Variants in P2RY12 observed in about 807,000 individuals in gnomAD.
P2RY12 encodes the protein purinergic receptor P2Y12, also known as P2Y purinoceptor 12.
Under a neutral mutation model 4.5 loss-of-function variants are expected in P2RY12, and 3 were observed. The ratio of observed to expected loss-of-function variants is 0.67; its 90% CI spans 0.31 to 1.74. The LOEUF (loss-of-function observed/expected upper bound fraction) is 1.74. Among genes scored for constraint, P2RY12 ranks in the 40% most tolerant of loss-of-function variants. The pLI is 0.09. For missense variants in P2RY12, 356 were observed against 407.8 expected (o/e 0.87, Z 1.09); for synonymous variants, 148 against 154.1 (o/e 0.96, Z 0.29).
chr3:151,360,714 TCTATTAG>T (rs772827828), intron 1 of P2RY12: 1 of 1,013,062 alleles, frequency 9.9e-7, no homozygotes, highest in Non-Finnish European at 1.5e-6. Context: ...TGCAATTGTA[TCTATTAG>T]GCAGTAATTT....
At chr3:151,348,980 T>C (rs1311662487) in intron 1 of P2RY12, among the ~76,000 whole-genome samples, 3 of 152,194 alleles carry the variant, frequency 2.0e-5, no homozygotes, top group Non-Finnish European at 4.4e-5. Context: ...ATAAGCTCCT[T>C]AGGATAAGAT....
chr3:151,355,683 G>C (rs1023270337), intron 1 of P2RY12, among the ~76,000 whole-genome samples: 1 of 152,184 alleles, frequency 6.6e-6, no homozygotes, highest in Non-Finnish European at 1.5e-5. Context: ...ATTTAGGTCT[G>C]AATGACAACT....
chr3:151,376,983 A>T (rs755969553), intron 1 of P2RY12: 2 of 1,613,212 alleles, frequency 1.2e-6, no homozygotes, highest in South Asian at 2.2e-5. Context: ...TCTTATATCT[A>T]ACTCTAGGGC....
chr3:151,380,433 C>T (rs1712060154), intron 1 of P2RY12, among the ~76,000 whole-genome samples: 1 of 151,992 alleles, frequency 6.6e-6, no homozygotes, highest in Non-Finnish European at 1.5e-5. Context: ...CCCGTCTGTA[C>T]TAAAAATACA....
At position 151,338,517 on chromosome 3, in the gene P2RY12, A is replaced by G. The variant is rs1021764199; in HGVS notation, c.329T>C (p.Ile110Thr). 8.7e-6 allele frequency: 14 copies of G among 1,613,876 alleles called. No homozygotes were observed. The highest frequency in any genetic ancestry group is 1.2e-5 in the Non-Finnish European group (14 of 1,179,990). The change falls in exon 3 of 3, where the codon ATC (isoleucine) becomes ACC (threonine). Residue 110 changes from isoleucine to threonine, a missense_variant. By Grantham distance (89) the Ile-to-Thr change is moderately conservative. Transcript: ENST00000302632. ...TSVIFYFTMY[I>T]SISFLGLITI... ...TATCAGTCCCAGGAATGAAATACTG[A>G]TATACATTGTGAAATAAAATATGAC...
chr3:151,365,252 GC>G lies in P2RY12; in HGVS notation c.-180+19439del, dbSNP rs1755136628. 5 of 1,484,304 alleles carry G rather than the reference GC, an allele frequency of 3.4e-6. No individual in the cohort carries two copies. The East Asian group carries it at 1.1e-4, about 34-fold the overall frequency. 91.9% of individuals were successfully genotyped at this position (1,484,304 alleles called of 1,614,324 possible). ...ATTCATGATTAACCAAAGAGTTGTTGCCTTGGTGCTTCTTTGAAATTGATGT... is the reference window on the plus strand; with the variant it reads ...ATTCATGATTAACCAAAGAGTTGTTGCTTGGTGCTTCTTTGAAATTGATGT... On this transcript the variant is annotated intron_variant, in intron 1 of 2. Coordinates refer to ENST00000302632, the MANE Select transcript of P2RY12 (RefSeq NM_022788.5).
chr3:151,339,946 C>A (rs1020343447), intron 2 of P2RY12, among the ~76,000 whole-genome samples: 3 of 151,806 alleles, frequency 2.0e-5, no homozygotes, highest in African/African-American at 7.3e-5. Flanking sequence ...GTACAAATAA[C>A]AAATTTTAAA....
chr3:151,382,733 C>G lies in P2RY12; in HGVS notation c.-180+1959G>C, dbSNP rs145220212. On this transcript the variant is annotated intron_variant, in intron 1 of 2. Coordinates refer to ENST00000302632, the MANE Select transcript of P2RY12 (RefSeq NM_022788.5). ...AGATGATGCACGAAGCATTGCAACTCCGCCTAAATTTGGTAAGTGACATTT... is the reference window on the plus strand; with the variant it reads ...AGATGATGCACGAAGCATTGCAACTGCGCCTAAATTTGGTAAGTGACATTT... 1.9e-6 allele frequency: 3 copies of G among 1,609,750 alleles called. No homozygotes were observed. In the African/African-American group the frequency reaches 4.0e-5, roughly 22 times the overall value.
intron 1 of P2RY12, among the ~76,000 whole-genome samples, chr3:151,378,518 T>C (rs1711631662): frequency 6.6e-6 from 1 of 151,832 alleles, no homozygotes; most frequent in African/African-American, 2.4e-5. Context: ...TATTTAGATA[T>C]TTATGTTTAA....
rs1209089741 is a variant in P2RY12, at chr3:151,340,724, G to A, written c.-143C>T. On this transcript the variant is annotated 5_prime_UTR_variant, in exon 2 of 3. Transcript: ENST00000302632. Reference sequence around the variant, plus strand: ...GTTGCCAAACCTCTTTGTGATAGAGGATTTCCTGAGTTTTCGTCAGTAAAG... The same window carrying A: ...GTTGCCAAACCTCTTTGTGATAGAGAATTTCCTGAGTTTTCGTCAGTAAAG... The A allele has an allele frequency of 1.3e-5, 2 of 152,556 alleles. No individual in the cohort carries two copies. Among genetic ancestry groups the A allele is most frequent in the African/African-American group, 4.8e-5 (2 of 41,428 alleles). The allele number at this position is 152,556 out of a possible 1,614,324, so 9.5% of individuals were successfully genotyped here. A position where few individuals can be genotyped will look rare whatever the true frequency, so the allele number is the denominator to read the frequency against.
chr3:151,379,147 A>T (rs1014145987), intron 1 of P2RY12, among the ~76,000 whole-genome samples: 2 of 152,178 alleles, frequency 1.3e-5, no homozygotes, highest in Non-Finnish European at 2.9e-5. Flanking sequence ...TGGTTGTTTT[A>T]CCATGTTGGC....
intron 1 of P2RY12, among the ~76,000 whole-genome samples, chr3:151,357,787 T>A (rs1754110557): frequency 6.6e-6 from 1 of 152,234 alleles, no homozygotes; most frequent in Non-Finnish European, 1.5e-5. Flanking sequence ...GAAATTTGGT[T>A]CTTCAATTGC....
At chr3:151,355,282 A>C (rs1357036397) in intron 1 of P2RY12, 1 of 1,411,096 alleles carries the variant, frequency 7.1e-7, no homozygotes, top group Non-Finnish European at 9.8e-7. Flanking sequence ...CAGTATTCTA[A>C]TTTACTTAAA....
chr3:151,369,662 C>G (rs569653647), intron 1 of P2RY12: 13 of 636,284 alleles, frequency 2.0e-5, no homozygotes, highest in Non-Finnish European at 3.3e-5. Context: ...ACTGTTTGAT[C>G]GCTTATTCTC....
intron 1 of P2RY12, chr3:151,367,681 T>C (rs1755451371): frequency 6.2e-7 from 1 of 1,610,588 alleles, no homozygotes; most frequent in East Asian, 2.2e-5. Context: ...CATTAGCTAC[T>C]TTCATTGCTA....
At chr3:151,361,489 T>G (rs958115695) in intron 1 of P2RY12, among the ~76,000 whole-genome samples, 1 of 152,188 alleles carries the variant, frequency 6.6e-6, no homozygotes, top group Non-Finnish European at 1.5e-5. Context: ...GTTAACCTAC[T>G]TGCTATCTTA....
chr3:151,342,432 A>G (rs1163614158), intron 1 of P2RY12, among the ~76,000 whole-genome samples: 2 of 152,160 alleles, frequency 1.3e-5, no homozygotes, highest in East Asian at 3.8e-4. Context: ...ATTGGTTTTC[A>G]CAGTGCAGAG....
Position 151,338,583 on chromosome 3 carries a change from C to A in P2RY12, c.263G>T (p.Gly88Val). The change falls in exon 3 of 3, where the codon GGA (glycine) becomes GTA (valine). Residue 88 changes from glycine (G) to valine (V), a missense_variant. By Grantham distance (109) the Gly-to-Val change is moderately radical. Coordinates refer to ENST00000302632, the MANE Select transcript of P2RY12 (RefSeq NM_022788.5). ...CACAAAAGTTCTCAGTGGTCCTGTT[C>A]CCAGTTTGGCATCACTAAGAATTTT... is the stretch of plus-strand genomic sequence containing the variant. The part of the protein sequence containing the change: ...PFKILSDAKL[G>V]TGPLRTFVCQ... 1 of 1,613,770 alleles carries A rather than the reference C, an allele frequency of 6.2e-7. No individual in the cohort carries two copies. Among genetic ancestry groups the A allele is most frequent in the Non-Finnish European group, 8.5e-7 (1 of 1,179,936 alleles).
intron 1 of P2RY12, chr3:151,377,225 G>T (rs1756959090): frequency 2.6e-6 from 4 of 1,514,886 alleles, no homozygotes; most frequent in Non-Finnish European, 3.6e-6. Context: ...TTTTTCACAA[G>T]TAACGGTAAA....
Sources: allele counts gnomAD v4.1 joint callset (sites outside exome capture counted in the v4.1 genomes callset), GRCh38; gene constraint gnomAD v4.1.1; transcripts MANE v1.5; gene names NCBI Gene and HGNC (gene_info 2026-07-23, HGNC 2026-07-21).